ATG7: variants seen among roughly 807,000 people sequenced by gnomAD.
The protein encoded by ATG7 is autophagy related 7.
ATG7 carries 70 observed loss-of-function variants against 82.4 expected under a neutral mutation model. The ratio of observed to expected loss-of-function variants is 0.85; its 90% CI spans 0.70 to 1.04. The LOEUF is 1.04. Among genes scored for constraint, ATG7 ranks in the 50% least tolerant of loss-of-function variants. The probability of loss-of-function intolerance (pLI) is 0.00; values close to 1 mark genes in which losing one functional copy is unlikely to be tolerated. For missense variants in ATG7, 792 were observed against 864.3 expected, an observed-to-expected ratio of 0.92 and a Z score of 1.05; for synonymous variants, 287 against 313.0, an observed-to-expected ratio of 0.92 and a Z score of 0.88.
chr3:11,277,891 A>ACACC (rs1942174311), intron 1 of ATG7, among the ~76,000 whole-genome samples: 2 of 60,770 alleles, frequency 3.3e-5, no homozygotes, highest in Non-Finnish European at 2.9e-5. Context: ...CCCTTTATAG[A>ACACC]CCCCCCCCCC....
chr3:11,292,345 C>T (rs565167831), intron 3 of ATG7, among the ~76,000 whole-genome samples: 106 of 151,794 alleles, frequency 7.0e-4, no homozygotes, highest in African/African-American at 2.4e-3. Context: ...CTGCAACCTC[C>T]GCCTCCTGGG....
Position 11,318,189 on chromosome 3 carries a change from C to T in ATG7, c.678+2696C>T, listed in dbSNP as rs539543563. Among the ~76,000 whole-genome samples the T allele has an allele frequency of 1.2e-4, 18 of 152,220 alleles. No individual in the cohort carries two copies. The East Asian group carries it at 2.7e-3, about 23-fold the overall frequency. Reference sequence around the variant, plus strand: ...TGAGACTAACTGCCTGTCTGCTTGTCGGATTCAGGCACACTATCCTTCACT... The same window carrying T: ...TGAGACTAACTGCCTGTCTGCTTGTTGGATTCAGGCACACTATCCTTCACT... On this transcript the variant is annotated intron_variant, in intron 9 of 20. Transcript: ENST00000693202.
Position 11,299,365 on chromosome 3 carries a change from ACT to A in ATG7, c.167_168del (p.Ser56CysfsTer15), listed in dbSNP as rs759349678. 4 of 1,610,818 alleles carry A rather than the reference ACT, an allele frequency of 2.5e-6. No individual in the cohort carries two copies. Among genetic ancestry groups the A allele is most frequent in the African/African-American group, 1.3e-5 (1 of 74,930 alleles). ...ATGTGATAATGCTTCTGTCCAGGTG[ACT>A]CTGCTGGGCTGCCAGCTCGCTTAAC... On this transcript the variant is annotated frameshift_variant, in exon 5 of 21. Coordinates refer to ENST00000693202, the MANE Select transcript of ATG7 (RefSeq NM_001349232.2). LOFTEE classifies it high-confidence loss of function.
At chr3:11,353,473 G>C (rs372284621) in intron 14 of ATG7, among the ~76,000 whole-genome samples, 1 of 152,240 alleles carries the variant, frequency 6.6e-6, no homozygotes, top group East Asian at 1.9e-4. Context: ...TTTAAATTTT[G>C]AAATAGTAAA....
chr3:11,367,398 G>T (rs1436430673), intron 18 of ATG7, among the ~76,000 whole-genome samples: 2 of 152,156 alleles, frequency 1.3e-5, no homozygotes, highest in Non-Finnish European at 2.9e-5. Context: ...GTTCCCAAGA[G>T]GAGAAGTTTT....
chr3:11,368,173 A>G (rs545196499), intron 18 of ATG7, among the ~76,000 whole-genome samples: 360 of 148,964 alleles, frequency 2.4e-3, no homozygotes, highest in Non-Finnish European at 4.6e-3. Flanking sequence ...GAACTTTTTC[A>G]TTATAAATCT....
At chr3:11,340,037 C>T (rs781307194) in intron 11 of ATG7, among the ~76,000 whole-genome samples, 18 of 152,212 alleles carry the variant, frequency 1.2e-4, no homozygotes, top group Non-Finnish European at 2.4e-4. Context: ...TACAGAGGCT[C>T]CCATAGCAGG....
chr3:11,508,203 GGTGGTGCCAGTTCGTGAGGCACACA>G (rs1167778008), intron 20 of ATG7, among the ~76,000 whole-genome samples: 1 of 152,108 alleles, frequency 6.6e-6, no homozygotes, highest in Non-Finnish European at 1.5e-5. Context: ...AGGCCCCTAT[GGTGGTGCCAGTTCGTGAGGCACACA>G]GTGTCTAAGG....
chr3:11,386,938 A>G (rs2078363889), intron 19 of ATG7, among the ~76,000 whole-genome samples: 1 of 152,138 alleles, frequency 6.6e-6, no homozygotes, highest in Non-Finnish European at 1.5e-5. Context: ...ACTGCCTTGA[A>G]AAACCTTGGA....
At chr3:11,560,989 G>A (rs1334069121), downstream of ATG7, among the ~76,000 whole-genome samples, 2 of 152,062 alleles carry the variant, frequency 1.3e-5, no homozygotes, top group South Asian at 2.1e-4. Context: ...GGGTCAAGCA[G>A]CAGCAAGAGA....
chr3:11,564,866 G>A, the ATG7 span: 1 of 1,609,286 alleles, frequency 6.2e-7, no homozygotes, highest in Non-Finnish European at 8.5e-7. Context: ...GGCTGTTCTT[G>A]GTCAGTGCGA....
intron 20 of ATG7, among the ~76,000 whole-genome samples, chr3:11,495,728 T>TTA (rs2090776208): frequency 6.6e-6 from 1 of 152,230 alleles, no homozygotes; most frequent in Admixed American, 6.5e-5. Context: ...CTAACAGCCG[T>TTA]GGATATCACC....
chr3:11,431,273 T>G (rs2152952154), intron 20 of ATG7, among the ~76,000 whole-genome samples: 3 of 152,248 alleles, frequency 2.0e-5, no homozygotes, highest in Middle Eastern at 6.8e-3. Context: ...TGGTGGCATG[T>G]GCCTGTAATC....
In ATG7 at chr3:11,478,989, A is replaced by AACACACACAAACACACACACACAC. The variant is rs766632953; in HGVS notation, c.2079+52072_2079+52073insAACACACACACACACACACACACA. ...TTTGAATATGTGCCTGTATATTTAC[A>AACACACACAAACACACACACACAC]ACACACACACACACACACACACACA... On this transcript the variant is annotated intron_variant, in intron 20 of 20. Coordinates refer to ENST00000693202, the MANE Select transcript of ATG7 (RefSeq NM_001349232.2). 7.7e-4 allele frequency among the ~76,000 whole-genome samples: 56 copies of AACACACACAAACACACACACACAC among 73,126 alleles called. 2 individuals are homozygous for AACACACACAAACACACACACACAC. The highest frequency in any genetic ancestry group is 1.3e-3 in the Admixed American group (9 of 7,076). 48.0% of individuals were successfully genotyped at this position (73,126 alleles called of 152,430 possible).
At chr3:11,321,870 T>C (rs550866403) in intron 9 of ATG7, among the ~76,000 whole-genome samples, 1 of 152,356 alleles carries the variant, frequency 6.6e-6, no homozygotes, top group Admixed American at 6.5e-5. Flanking sequence ...AAATTTTCTT[T>C]GATTAACCCC....
intron 19 of ATG7, among the ~76,000 whole-genome samples, chr3:11,389,232 C>CA (rs752930553): frequency 0.59 from 34,096 of 57,358 alleles, 10,485 homozygotes; most frequent in East Asian, 0.68. Flanking sequence ...GACCCTGTCT[C>CA]AAAAAAAAAA....
At chr3:11,548,605 C>T (rs1293767390) in intron 20 of ATG7, among the ~76,000 whole-genome samples, 6 of 151,974 alleles carry the variant, frequency 3.9e-5, no homozygotes, top group Non-Finnish European at 7.4e-5. Context: ...ACCTTTTTTT[C>T]TTAAACAAAG....
At chr3:11,519,271 A>G (rs1041835526) in intron 20 of ATG7, among the ~76,000 whole-genome samples, 2 of 152,174 alleles carry the variant, frequency 1.3e-5, no homozygotes, top group African/African-American at 4.8e-5. Context: ...TGTTTCATGT[A>G]AGGAACTTGG....
At chr3:11,444,113 A>G (rs1297796183) in intron 20 of ATG7, among the ~76,000 whole-genome samples, 2 of 152,154 alleles carry the variant, frequency 1.3e-5, no homozygotes, top group Non-Finnish European at 2.9e-5. Flanking sequence ...TGTTTTGCCC[A>G]ATATTGTAAA....
Sources: gnomAD v4.1 joint callset for allele counts (sites outside exome capture counted in the v4.1 genomes callset) on GRCh38, gnomAD v4.1.1 for gene constraint, MANE v1.5 for transcripts, NCBI Gene and HGNC (gene_info 2026-07-23, HGNC 2026-07-21) for gene names.